Variants in ANXA5 observed in about 807,000 individuals in gnomAD.
The protein encoded by ANXA5 is CBP-I.
Under a neutral mutation model 48.1 loss-of-function variants are expected in ANXA5, and 40 were observed. The ratio of observed to expected loss-of-function variants is 0.83; its 90% CI spans 0.65 to 1.08. The LOEUF (loss-of-function observed/expected upper bound fraction) is 1.08, where lower values mean the gene tolerates loss of function less well. ANXA5 is among the 50% of genes least tolerant of loss of function. The probability of loss-of-function intolerance (pLI) is 0.00; values close to 1 mark genes in which losing one functional copy is unlikely to be tolerated. For synonymous variants in ANXA5, 113 were observed against 129.1 expected, an observed-to-expected ratio of 0.88 and a Z score of 0.85; for missense variants, 357 against 376.8, an observed-to-expected ratio of 0.95 and a Z score of 0.44.
intron 12 of ANXA5, chr4:121,669,386 C>T: frequency 1.8e-6 from 1 of 547,180 alleles, no homozygotes; most frequent in Non-Finnish European, 3.2e-6. Context: ...CTGAGTTCAC[C>T]AAGAGCCTCA....
chr4:121,690,161 T>C (rs1456089422), intron 2 of ANXA5, among the ~76,000 whole-genome samples: 2 of 152,186 alleles, frequency 1.3e-5, no homozygotes, highest in Non-Finnish European at 2.9e-5. Flanking sequence ...GGAAATCCCA[T>C]CTTACAGACA....
chr4:121,673,945 G>A (rs28557003), intron 8 of ANXA5, among the ~76,000 whole-genome samples: 2,047 of 151,996 alleles, frequency 0.013, 23 homozygotes, highest in Middle Eastern at 0.02. Context: ...ATTTTGGGAC[G>A]CTGAGGCAGG....
intron 6 of ANXA5, chr4:121,681,332 T>C (rs1006383886): frequency 2.4e-5 from 4 of 169,200 alleles, no homozygotes. Context: ...TTTGCTAGCA[T>C]AAAGCTAAAT....
chr4:121,678,379 T>C, intron 7 of ANXA5, 36 bp downstream of exon 7: 2 of 1,574,034 alleles, frequency 1.3e-6, no homozygotes, highest in Non-Finnish European at 1.7e-6. Flanking sequence ...AACTTCAGGC[T>C]TTTTAATCAA....
Position 121,696,563 on chromosome 4 carries a change from G to T in ANXA5, c.9+18C>A, listed in dbSNP as rs2306417. ...AGTTGTGGGTAAATCCAGCGCAGTG[G>T]GGGGCGCACGGCCTTACCTGTGCCA... On this transcript the variant is annotated intron_variant, in intron 2 of 12. Transcript: ENST00000296511. 2.8e-5 allele frequency: 39 copies of T among 1,394,206 alleles called. No homozygotes were observed. The highest frequency in any genetic ancestry group is 3.4e-5 in the Non-Finnish European group (36 of 1,063,034). 86.4% of individuals were successfully genotyped at this position (1,394,206 alleles called of 1,614,324 possible). A position where few individuals can be genotyped will look rare whatever the true frequency, so the allele number is the denominator to read the frequency against.
intron 6 of ANXA5, 72 bp downstream of exon 6, chr4:121,681,599 C>G (rs1724793483): frequency 2.0e-6 from 2 of 1,005,972 alleles, no homozygotes; most frequent in Non-Finnish European, 3.1e-6. Flanking sequence ...CTACAAAGGA[C>G]TGCATTCAAA....
intron 8 of ANXA5, among the ~76,000 whole-genome samples, chr4:121,676,686 G>A (rs567559120): frequency 1.3e-3 from 187 of 145,680 alleles, no homozygotes; most frequent in African/African-American, 4.3e-3. Context: ...GGGGCGGGGG[G>A]GGGTATGGTT....
intron 4 of ANXA5, 42 bp from the exon 5 acceptor site, chr4:121,683,519 G>T (rs1166353941): frequency 1.8e-6 from 2 of 1,130,706 alleles, no homozygotes; most frequent in African/African-American, 3.1e-5. Context: ...AGCAGAAATT[G>T]TAATAAGATT....
intron 2 of ANXA5, among the ~76,000 whole-genome samples, chr4:121,692,057 A>C (rs1475371539): frequency 6.6e-6 from 1 of 152,204 alleles, no homozygotes; most frequent in Non-Finnish European, 1.5e-5. Context: ...CAAAGCGTTA[A>C]ACTCGAACTG....
intron 2 of ANXA5, among the ~76,000 whole-genome samples, chr4:121,692,287 A>G (rs751696475): frequency 2.0e-5 from 3 of 152,194 alleles, no homozygotes; most frequent in Non-Finnish European, 2.9e-5. Flanking sequence ...AATGATTTAA[A>G]TTTTTGTTGT....
chr4:121,683,979 G>T (rs1304799090), intron 4 of ANXA5, among the ~76,000 whole-genome samples: 1 of 151,464 alleles, frequency 6.6e-6, no homozygotes, highest in Admixed American at 6.6e-5. Flanking sequence ...TGGGGAAATT[G>T]TGTATGTAAT....
chr4:121,683,596 G>C (rs1188850609), intron 4 of ANXA5, 119 bp from the exon 5 acceptor site: 1 of 583,362 alleles, frequency 1.7e-6, no homozygotes, highest in Non-Finnish European at 3.0e-6. Flanking sequence ...CCAAGTAGAA[G>C]GCCCATGAGC....
At chr4:121,689,248 T>C (rs1724941206) in intron 2 of ANXA5, among the ~76,000 whole-genome samples, 1 of 152,200 alleles carries the variant, frequency 6.6e-6, no homozygotes, top group Non-Finnish European at 1.5e-5. Flanking sequence ...GAATAAACTC[T>C]ACAAGTTTTC....
intron 2 of ANXA5, among the ~76,000 whole-genome samples, chr4:121,690,853 A>G (rs1724972260): frequency 6.6e-6 from 1 of 152,228 alleles, no homozygotes; most frequent in Non-Finnish European, 1.5e-5. Flanking sequence ...CATTCCATAC[A>G]GTCAGAGTCA....
At chr4:121,674,627 G>C (rs996002205) in intron 8 of ANXA5, among the ~76,000 whole-genome samples, 1 of 152,112 alleles carries the variant, frequency 6.6e-6, no homozygotes, top group Non-Finnish European at 1.5e-5. Flanking sequence ...TTACCACAAT[G>C]TTTTAATTTT....
intron 12 of ANXA5, chr4:121,669,206 C>T (rs1487337819): frequency 6.2e-6 from 1 of 160,558 alleles, no homozygotes; most frequent in Non-Finnish European, 1.4e-5. Context: ...TAGAAACCAG[C>T]ATCAGAGATA....
chr4:121,674,423 G>C (rs1724664361), intron 8 of ANXA5, among the ~76,000 whole-genome samples: 1 of 152,066 alleles, frequency 6.6e-6, no homozygotes, highest in African/African-American at 2.4e-5. Context: ...TACTACTTCT[G>C]GTATGTTTCT....
chr4:121,672,040 A>C (rs1724621809), intron 9 of ANXA5, among the ~76,000 whole-genome samples: 1 of 152,200 alleles, frequency 6.6e-6, no homozygotes, highest in Admixed American at 6.5e-5. Context: ...CACTAGGGAT[A>C]ATGGAGCAAA....
At chr4:121,685,179 A>AC (rs1030777588) in intron 3 of ANXA5, among the ~76,000 whole-genome samples, 2 of 151,730 alleles carry the variant, frequency 1.3e-5, no homozygotes, top group Non-Finnish European at 2.9e-5. Context: ...AATATATTCT[A>AC]CCCCCCATTC....
Sources: gnomAD v4.1 joint callset for allele counts (sites outside exome capture counted in the v4.1 genomes callset) on GRCh38, gnomAD v4.1.1 for gene constraint, MANE v1.5 for transcripts, NCBI Gene and HGNC (gene_info 2026-07-23, HGNC 2026-07-21) for gene names.